RIMKLB: variants seen among roughly 807,000 people sequenced by gnomAD.
RIMKLB encodes the protein ribosomal modification protein rimK like family member B.
Under a neutral mutation model 32.0 loss-of-function variants are expected in RIMKLB, and 7 were observed. That is an observed-to-expected ratio of 0.22 (90% confidence interval 0.12 to 0.41). The LOEUF (loss-of-function observed/expected upper bound fraction) is 0.41. Among genes scored for constraint, RIMKLB ranks in the 10% least tolerant of loss-of-function variants. RIMKLB has a pLI of 1.00. For missense variants in RIMKLB, 289 were observed against 498.7 expected, an observed-to-expected ratio of 0.58 and a Z score of 4.00; for synonymous variants, 172 against 185.1, an observed-to-expected ratio of 0.93 and a Z score of 0.57.
At chr12:8,757,133 T>C (rs143816039) in intron 5 of RIMKLB, among the ~76,000 whole-genome samples, 77 of 152,178 alleles carry the variant, frequency 5.1e-4, no homozygotes, top group African/African-American at 1.7e-3. Flanking sequence ...CTTTACTACA[T>C]TGAGATTTAA....
intron 1 of RIMKLB, among the ~76,000 whole-genome samples, chr12:8,712,706 A>G (rs1251476002): frequency 2.0e-5 from 3 of 152,174 alleles, no homozygotes; most frequent in South Asian, 2.1e-4. Context: ...CTGCCCAGCA[A>G]TGCTCTGGTT....
chr12:8,764,103 G>T (rs1949750449), intron 5 of RIMKLB, among the ~76,000 whole-genome samples: 1 of 152,132 alleles, frequency 6.6e-6, no homozygotes, highest in Admixed American at 6.5e-5. Context: ...TCCTAAAATT[G>T]GAGTATTGTA....
chr12:8,693,438 C>A (rs1016711322), upstream of RIMKLB, among the ~76,000 whole-genome samples: 8 of 151,098 alleles, frequency 5.3e-5, no homozygotes, highest in Non-Finnish European at 1.0e-4. Context: ...ATTCTGTCAC[C>A]TAGACCGGAG....
chr12:8,691,656 T>C (rs1177221659), intron 1 of RIMKLB, among the ~76,000 whole-genome samples: 1 of 152,098 alleles, frequency 6.6e-6, no homozygotes, highest in Non-Finnish European at 1.5e-5. Context: ...TAGGACAGGT[T>C]AAGAATTTAG....
At chr12:8,701,973 T>C (rs919613378) in intron 1 of RIMKLB, among the ~76,000 whole-genome samples, 2 of 150,902 alleles carry the variant, frequency 1.3e-5, no homozygotes, top group Non-Finnish European at 2.9e-5. Flanking sequence ...ACCACTGCAC[T>C]CAAGTCTGGG....
chr12:8,781,718 A>C (rs958473825), downstream of RIMKLB, among the ~76,000 whole-genome samples: 2 of 152,150 alleles, frequency 1.3e-5, no homozygotes, highest in African/African-American at 2.4e-5. Context: ...GAGAGTGTGC[A>C]TGTCTGTCTT....
rs77637806 is a variant in RIMKLB, at chr12:8,730,070, T to G, written c.175+16029T>G. ...GCCTTTTCTGAGCATGTGTTTTGAC[T>G]GGCCTTGGCTGCTTTTGTTCTTTGT... On this transcript the variant is annotated intron_variant, in intron 2 of 5. Coordinates refer to ENST00000535829, the MANE Select transcript of RIMKLB (RefSeq NM_001297776.2). Among the ~76,000 whole-genome samples, 133 of 152,310 alleles carry G rather than the reference T, an allele frequency of 8.7e-4. 2 individuals are homozygous for G. In the East Asian group the frequency reaches 0.019, roughly 22 times the overall value.
intron 1 of RIMKLB, among the ~76,000 whole-genome samples, chr12:8,687,152 T>A (rs1212881507): frequency 6.6e-6 from 1 of 152,224 alleles, no homozygotes. Context: ...GGATGATCCG[T>A]TTACTGTGAA....
chr12:8,747,986 C>A (rs1948252236), intron 2 of RIMKLB, among the ~76,000 whole-genome samples: 1 of 152,090 alleles, frequency 6.6e-6, no homozygotes, highest in South Asian at 2.1e-4. Flanking sequence ...AAACTCCCAA[C>A]CTCAGGTGAT....
chr12:8,669,003 C>T, the RIMKLB span: 3 of 150,302 alleles, frequency 2.0e-5, no homozygotes, highest in Non-Finnish European at 4.4e-5. Context: ...ATATTTGTAA[C>T]TATATATAGT....
chr12:8,723,971 A>G (rs1484138167), intron 2 of RIMKLB, among the ~76,000 whole-genome samples: 2 of 148,298 alleles, frequency 1.3e-5, no homozygotes, highest in Middle Eastern at 3.2e-3. Context: ...ACGCGCCACC[A>G]TGCCTGGCTA....
intron 1 of RIMKLB, among the ~76,000 whole-genome samples, chr12:8,684,149 A>G (rs1027536626): frequency 6.6e-6 from 1 of 151,342 alleles, no homozygotes; most frequent in Non-Finnish European, 1.5e-5. Context: ...CTAAAAAGTT[A>G]TTGCCATACT....
intron 5 of RIMKLB, among the ~76,000 whole-genome samples, chr12:8,755,802 G>A (rs890828054): frequency 6.6e-6 from 1 of 152,076 alleles, no homozygotes; most frequent in African/African-American, 2.4e-5. Flanking sequence ...CTGACCTCAA[G>A]GTTCAAAACC....
rs760019153 is a variant in RIMKLB, at chr12:8,741,472, C to T, written c.176-8390C>T. On this transcript the variant is annotated intron_variant, in intron 2 of 5. Coordinates refer to ENST00000535829, the MANE Select transcript of RIMKLB (RefSeq NM_001297776.2). ...AAATAGAAGAACCAGGAGGGAGCGG[C>T]GCAAGGGTTATAAAACTAACTGTTG... Among the ~76,000 whole-genome samples, 6 of 151,566 alleles carry T rather than the reference C, an allele frequency of 4.0e-5. No individual in the cohort carries two copies. The East Asian group carries it at 5.8e-4, about 15-fold the overall frequency.
At chr12:8,724,128 G>T (rs1945751834) in intron 2 of RIMKLB, among the ~76,000 whole-genome samples, 1 of 152,190 alleles carries the variant, frequency 6.6e-6, no homozygotes, top group Admixed American at 6.5e-5. Context: ...CCATTCTTCA[G>T]TCGTTTTCAT....
rs756003256 is a variant in RIMKLB at position 8,750,115 on chromosome 12, A to G, written c.406+23A>G. ...ATGGTGAGCCTACTAAAGAGCATAC[A>G]TAGCCTGAATATTAACCACTGATAG... On this transcript the variant is annotated intron_variant, in intron 3 of 5. Transcript: ENST00000535829. 5.0e-6 allele frequency: 7 copies of G among 1,400,334 alleles called. No individual in the cohort carries two copies. The East Asian group carries it at 9.3e-5, about 19-fold the overall frequency. The allele number at this position is 1,400,334 out of a possible 1,614,324, so 86.7% of individuals were successfully genotyped here.
chr12:8,715,730 GAAATA>G (rs898691308), intron 2 of RIMKLB, among the ~76,000 whole-genome samples: 5 of 152,080 alleles, frequency 3.3e-5, no homozygotes, highest in African/African-American at 9.7e-5. Context: ...TATGGTATAC[GAAATA>G]AAATAAAGTC....
the RIMKLB span, among the ~76,000 whole-genome samples, chr12:8,672,769 C>G: frequency 2.6e-5 from 4 of 152,318 alleles, no homozygotes; most frequent in East Asian, 5.8e-4. Context: ...CCTCCCCGTG[C>G]TCCTGCTTTC....
chr12:8,670,705 C>T, the RIMKLB span, among the ~76,000 whole-genome samples: 37 of 152,356 alleles, frequency 2.4e-4, no homozygotes, highest in African/African-American at 8.9e-4. Context: ...CGTCTTCTCA[C>T]AGCTCCACTA....
Sources: gnomAD v4.1 joint callset for allele counts (sites outside exome capture counted in the v4.1 genomes callset) on GRCh38, gnomAD v4.1.1 for gene constraint, MANE v1.5 for transcripts, NCBI Gene and HGNC (gene_info 2026-07-23, HGNC 2026-07-21) for gene names.